The following ADGRL2 variants were observed in gnomAD, a reference collection of about 807,000 sequenced individuals.
ADGRL2 encodes the protein calcium-independent alpha-latrotoxin receptor 2.
A neutral mutation model predicts 157.4 loss-of-function variants in ADGRL2; 44 were observed. The ratio of observed to expected loss-of-function variants is 0.28; its 90% CI spans 0.22 to 0.36. ADGRL2 has a LOEUF of 0.36. Among genes scored for constraint, ADGRL2 ranks in the 10% least tolerant of loss-of-function variants. ADGRL2 has a pLI of 1.00. For synonymous variants in ADGRL2, 585 were observed against 624.7 expected (o/e 0.94, Z 0.95); for missense variants, 1,510 against 1,768.9 (o/e 0.85, Z 2.63).
At chr1:81,889,986 C>T (rs1366190261) in intron 2 of ADGRL2, among the ~76,000 whole-genome samples, 1 of 152,204 alleles carries the variant, frequency 6.6e-6, no homozygotes, top group African/African-American at 2.4e-5. Context: ...TGCTCCTCAT[C>T]TCTGGCAATA....
At chr1:81,900,107 T>C (rs1054756338) in intron 2 of ADGRL2, among the ~76,000 whole-genome samples, 3 of 152,122 alleles carry the variant, frequency 2.0e-5, no homozygotes, top group African/African-American at 4.8e-5. Flanking sequence ...CTCTGTAAAA[T>C]GTTGATAATA....
chr1:81,876,644 C>A lies in ADGRL2; in HGVS notation c.74-30373C>A, dbSNP rs532926559. 2.0e-5 allele frequency among the ~76,000 whole-genome samples: 3 copies of A among 152,198 alleles called. No homozygotes were observed. The South Asian group carries it at 6.2e-4, about 32-fold the overall frequency. ...AAAGACTTGTAGAAGTTAGGACTTT[C>A]TGAAGCTAATAATCCAACACCCTAA... On this transcript the variant is annotated intron_variant, in intron 2 of 23. Coordinates refer to ENST00000686636, the MANE Select transcript of ADGRL2 (RefSeq NM_001366006.2).
At chr1:81,642,084 A>AT (rs2082228797) in intron 3 of ADGRL2, among the ~76,000 whole-genome samples, 1 of 124,222 alleles carries the variant, frequency 8.1e-6, no homozygotes, top group Non-Finnish European at 1.7e-5. Context: ...TACTAAACAT[A>AT]CAAAAAAAAA....
chr1:81,987,192 T>C, intron 22 of ADGRL2, 163 bp downstream of exon 22: 1 of 1,294,280 alleles, frequency 7.7e-7, no homozygotes, highest in Non-Finnish European at 1.1e-6. Flanking sequence ...CTTCTAAAAC[T>C]GCACTATATT....
At chr1:81,988,463 T>TA in intron 23 of ADGRL2, 1 of 142,246 alleles carries the variant, frequency 7.0e-6, no homozygotes. Flanking sequence ...AAGTGCGAAA[T>TA]GGTTTTTTTT....
At chr1:81,582,224 A>G (rs573579333) in intron 3 of ADGRL2, among the ~76,000 whole-genome samples, 221 of 152,194 alleles carry the variant, frequency 1.5e-3, no homozygotes, top group Admixed American at 2.4e-3. Flanking sequence ...TGTCTCAAAA[A>G]AAATTTTTTT....
At chr1:81,909,348 C>T (rs1372461899) in intron 3 of ADGRL2, among the ~76,000 whole-genome samples, 1 of 151,830 alleles carries the variant, frequency 6.6e-6, no homozygotes. Context: ...TCATTCCTTC[C>T]AGTTAAGAGT....
intron 1 of ADGRL2, among the ~76,000 whole-genome samples, chr1:81,748,943 TA>T (rs112081281): frequency 6.6e-6 from 1 of 152,210 alleles, no homozygotes; most frequent in African/African-American, 2.4e-5. Flanking sequence ...GCTGAGCTTA[TA>T]GGGGTGAGCC....
At chr1:81,417,339 G>T (rs190487199) in intron 1 of ADGRL2, among the ~76,000 whole-genome samples, 143 of 151,988 alleles carry the variant, frequency 9.4e-4, no homozygotes, top group African/African-American at 3.1e-3. Context: ...TATAATTTTG[G>T]TTCATTAACT....
chr1:81,907,891 A>G (rs1244100927), intron 3 of ADGRL2, among the ~76,000 whole-genome samples: 1 of 152,204 alleles, frequency 6.6e-6, no homozygotes, highest in Non-Finnish European at 1.5e-5. Context: ...CATACAGAAT[A>G]CCTTCATGTG....
chr1:81,366,840 T>G (rs1020423050), intron 1 of ADGRL2, among the ~76,000 whole-genome samples: 4 of 152,220 alleles, frequency 2.6e-5, no homozygotes, highest in Non-Finnish European at 5.9e-5. Flanking sequence ...TTCGTTTTCC[T>G]GCTTCTTTGA....
intron 2 of ADGRL2, among the ~76,000 whole-genome samples, chr1:81,565,990 T>C (rs1326317262): frequency 6.6e-6 from 1 of 152,084 alleles, no homozygotes; most frequent in African/African-American, 2.4e-5. Context: ...ATACTGCAGC[T>C]TTGCAGAGGG....
intron 6 of ADGRL2, among the ~76,000 whole-genome samples, chr1:81,944,683 G>C (rs1171040873): frequency 6.6e-6 from 1 of 151,852 alleles, no homozygotes; most frequent in Non-Finnish European, 1.5e-5. Flanking sequence ...TGAAATTATT[G>C]CATTATTTCA....
intron 18 of ADGRL2, chr1:81,980,693 A>T (rs554269923): frequency 2.0e-6 from 1 of 510,252 alleles, no homozygotes; most frequent in Admixed American, 2.8e-5. Context: ...TAGATAGGTT[A>T]GTGCCAGCTT....
At chr1:81,357,746 T>C (rs7526886) in intron 1 of ADGRL2, among the ~76,000 whole-genome samples, 2,524 of 152,248 alleles carry the variant, frequency 0.017, 67 homozygotes, top group African/African-American at 0.058. Context: ...ATACATTGCC[T>C]AAGGTCCTAC....
chr1:81,755,293 T>C (rs1259034883), intron 1 of ADGRL2, among the ~76,000 whole-genome samples: 1 of 151,058 alleles, frequency 6.6e-6, no homozygotes, highest in Admixed American at 6.6e-5. Context: ...GACTTCATTA[T>C]AAAAATTATT....
intron 2 of ADGRL2, among the ~76,000 whole-genome samples, chr1:81,547,513 T>A (rs537584424): frequency 4.6e-5 from 7 of 152,352 alleles, no homozygotes; most frequent in Non-Finnish European, 8.8e-5. Flanking sequence ...AGCCAGGCAT[T>A]TCCCGACTTC....
At chr1:81,817,924 G>A (rs1163779070) in intron 1 of ADGRL2, among the ~76,000 whole-genome samples, 1 of 152,022 alleles carries the variant, frequency 6.6e-6, no homozygotes, top group Non-Finnish European at 1.5e-5. Flanking sequence ...CAGCGCCATA[G>A]AGGATGAAGT....
chr1:81,783,149 A>T (rs551173831), intron 2 of ADGRL2, among the ~76,000 whole-genome samples: 14 of 152,306 alleles, frequency 9.2e-5, no homozygotes, highest in African/African-American at 3.1e-4. Flanking sequence ...TTTGAGACAG[A>T]GTCTGGCTCT....
Sources: allele counts gnomAD v4.1 joint callset (sites outside exome capture counted in the v4.1 genomes callset), GRCh38; gene constraint gnomAD v4.1.1; transcripts MANE v1.5; gene names NCBI Gene and HGNC (gene_info 2026-07-23, HGNC 2026-07-21).